The following TENM3 variants were observed in gnomAD, a reference collection of about 807,000 sequenced individuals.
The protein encoded by TENM3 is teneurin transmembrane protein 3.
TENM3 carries 63 observed loss-of-function variants against 255.1 expected under a neutral mutation model. That is an observed-to-expected ratio of 0.25 (90% CI 0.20 to 0.30). TENM3 has a LOEUF of 0.30. TENM3 is among the 10% of genes least tolerant of loss of function. The pLI, the probability that TENM3 is intolerant of heterozygous loss-of-function variation, is 1.00. For missense variants in TENM3, 2,929 were observed against 3,461.1 expected (o/e 0.85, Z 3.86); for synonymous variants, 1,306 against 1,322.3 (o/e 0.99, Z 0.27).
intron 3 of TENM3, among the ~76,000 whole-genome samples, chr4:182,388,317 G>C (rs1768149507): frequency 6.6e-6 from 1 of 151,950 alleles, no homozygotes; most frequent in Non-Finnish European, 1.5e-5. Context: ...CTATTATGTT[G>C]TTTTTCTAAA....
At chr4:181,806,465 G>C in the TENM3 span, among the ~76,000 whole-genome samples, 1 of 152,204 alleles carries the variant, frequency 6.6e-6, no homozygotes, top group African/African-American at 2.4e-5. Flanking sequence ...TTTAATTGCC[G>C]TTGTGACAGT....
At chr4:182,651,024 A>G (rs1178029779) in intron 5 of TENM3, among the ~76,000 whole-genome samples, 1 of 151,842 alleles carries the variant, frequency 6.6e-6, no homozygotes, top group Non-Finnish European at 1.5e-5. Flanking sequence ...GATCCCATGG[A>G]TTATGTCTAC....
intron 3 of TENM3, among the ~76,000 whole-genome samples, chr4:182,547,070 C>A (rs1322537089): frequency 6.6e-6 from 1 of 152,118 alleles, no homozygotes; most frequent in Non-Finnish European, 1.5e-5. Flanking sequence ...GTGATTAATT[C>A]TCATGAGTAA....
At chr4:182,452,592 TC>T (rs1193935748) in intron 3 of TENM3, among the ~76,000 whole-genome samples, 1 of 152,208 alleles carries the variant, frequency 6.6e-6, no homozygotes, top group African/African-American at 2.4e-5. Context: ...TTTTGCTGGA[TC>T]ACTTTGATCT....
the TENM3 span, among the ~76,000 whole-genome samples, chr4:181,837,289 G>A: frequency 6.6e-6 from 1 of 152,086 alleles, no homozygotes; most frequent in Non-Finnish European, 1.5e-5. Flanking sequence ...GCCACTCTTA[G>A]AGTGATCTCA....
At chr4:182,411,130 G>T (rs903729398) in intron 3 of TENM3, among the ~76,000 whole-genome samples, 1 of 152,154 alleles carries the variant, frequency 6.6e-6, no homozygotes, top group Non-Finnish European at 1.5e-5. Context: ...CACTCCAGTG[G>T]TCAAGAGCCA....
At chr4:182,045,218 A>G in the TENM3 span, among the ~76,000 whole-genome samples, 7 of 152,146 alleles carry the variant, frequency 4.6e-5, no homozygotes, top group African/African-American at 1.7e-4. Flanking sequence ...GTGTGGTTCA[A>G]TGCCTCCAGA....
chr4:181,837,648 C>A, the TENM3 span, among the ~76,000 whole-genome samples: 2 of 152,178 alleles, frequency 1.3e-5, no homozygotes, highest in Non-Finnish European at 2.9e-5. Flanking sequence ...GGACAAACCA[C>A]CTTGATACAC....
the TENM3 span, among the ~76,000 whole-genome samples, chr4:181,826,743 A>G: frequency 3.3e-5 from 5 of 152,162 alleles, no homozygotes; most frequent in Admixed American, 6.5e-5. Context: ...TGCCTAGGCC[A>G]CCCCCAGAGG....
At chr4:182,100,494 T>TATAC in the TENM3 span, among the ~76,000 whole-genome samples, 10 of 133,628 alleles carry the variant, frequency 7.5e-5, no homozygotes, top group South Asian at 4.7e-4. Context: ...TATATATATA[T>TATAC]ACACACACAC....
At chr4:182,088,329 T>G in the TENM3 span, among the ~76,000 whole-genome samples, 7 of 152,202 alleles carry the variant, frequency 4.6e-5, no homozygotes, top group Admixed American at 3.9e-4. Flanking sequence ...TCATCTGATC[T>G]TGTGGTCTTC....
intron 3 of TENM3, among the ~76,000 whole-genome samples, chr4:182,549,657 A>T (rs1741813455): frequency 1.3e-5 from 2 of 152,240 alleles, no homozygotes; most frequent in South Asian, 4.1e-4. Context: ...TCTTTGCTTA[A>T]TTTTCTCCAC....
At chr4:181,827,041 C>T in the TENM3 span, among the ~76,000 whole-genome samples, 1 of 152,146 alleles carries the variant, frequency 6.6e-6, no homozygotes, top group Non-Finnish European at 1.5e-5. Flanking sequence ...TGACACCAGA[C>T]AGGGAGTCCT....
the TENM3 span, among the ~76,000 whole-genome samples, chr4:181,558,907 G>T: frequency 2.0e-3 from 303 of 152,194 alleles, 1 homozygote; most frequent in African/African-American, 6.7e-3. Context: ...AGAGCATTTG[G>T]GAAACTTAGC....
At chr4:182,682,277 A>G (rs1289388356) in intron 11 of TENM3, among the ~76,000 whole-genome samples, 1 of 152,148 alleles carries the variant, frequency 6.6e-6, no homozygotes, top group Non-Finnish European at 1.5e-5. Flanking sequence ...TATCTTCTTA[A>G]CTCTCAATTT....
At chr4:182,741,707 T>C (rs1761619297) in intron 18 of TENM3, among the ~76,000 whole-genome samples, 1 of 152,270 alleles carries the variant, frequency 6.6e-6, no homozygotes, top group Admixed American at 6.5e-5. Context: ...TCACCTCTTG[T>C]TATGATCCAG....
intron 13 of TENM3, among the ~76,000 whole-genome samples, chr4:182,718,200 A>G (rs1359112789): frequency 6.6e-6 from 1 of 152,172 alleles, no homozygotes; most frequent in South Asian, 2.1e-4. Flanking sequence ...ATTAGCTTAT[A>G]TAACTGAAAA....
chr4:182,724,679 C>T (rs1177657122), intron 13 of TENM3, among the ~76,000 whole-genome samples: 1 of 152,190 alleles, frequency 6.6e-6, no homozygotes, highest in South Asian at 2.1e-4. Context: ...GAGCATTCCT[C>T]TTTGGCAACT....
chr4:182,785,388 A>G (rs973145239), intron 24 of TENM3, among the ~76,000 whole-genome samples: 1 of 151,886 alleles, frequency 6.6e-6, no homozygotes, highest in Admixed American at 6.6e-5. Flanking sequence ...TGATATTTTT[A>G]ATAATAATTA....
Sources: gnomAD v4.1 joint callset for allele counts (sites outside exome capture counted in the v4.1 genomes callset) on GRCh38, gnomAD v4.1.1 for gene constraint, MANE v1.5 for transcripts, NCBI Gene and HGNC (gene_info 2026-07-23, HGNC 2026-07-21) for gene names.